The following TEX9 variants were observed in gnomAD, a reference collection of about 807,000 sequenced individuals.
The protein encoded by TEX9 is testis expressed 9, also known as testis-expressed protein 9.
TEX9 carries 74 observed loss-of-function variants against 59.6 expected under a neutral mutation model. The ratio of observed to expected loss-of-function variants is 1.24; its 90% CI spans 1.03 to 1.51. The LOEUF is 1.51. Among genes scored for constraint, TEX9 ranks in the 40% most tolerant of loss-of-function variants. The pLI is 0.00. For synonymous variants in TEX9, 186 were observed against 152.2 expected, an observed-to-expected ratio of 1.22 and a Z score of -1.64; for missense variants, 522 against 447.8, an observed-to-expected ratio of 1.17 and a Z score of -1.49.
chr15:56,330,418 T>G (rs1256578732), intron 1 of TEX9, among the ~76,000 whole-genome samples: 8 of 152,106 alleles, frequency 5.3e-5, no homozygotes, highest in Non-Finnish European at 1.2e-4. Flanking sequence ...ACTACTCTTA[T>G]CCTAAGTAGA....
At chr15:56,448,400 T>C (rs1294015293), downstream of TEX9, among the ~76,000 whole-genome samples, 2 of 152,168 alleles carry the variant, frequency 1.3e-5, no homozygotes, top group African/African-American at 2.4e-5. Flanking sequence ...TCCTCCACCC[T>C]CTCATAGTTC....
chr15:56,298,454 A>G (rs904688139), intron 1 of TEX9, among the ~76,000 whole-genome samples: 2 of 152,234 alleles, frequency 1.3e-5, no homozygotes, highest in Admixed American at 1.3e-4. Context: ...TGTAGGAAGT[A>G]TAGACTTGTA....
chr15:56,255,796 AAC>A (rs1287768961), intron 1 of TEX9, among the ~76,000 whole-genome samples: 1 of 152,078 alleles, frequency 6.6e-6, no homozygotes, highest in African/African-American at 2.4e-5. Context: ...AGAAGACTTT[AAC>A]ACACATCTCA....
intron 1 of TEX9, among the ~76,000 whole-genome samples, chr15:56,338,879 T>A (rs2046309875): frequency 6.6e-6 from 1 of 151,876 alleles, no homozygotes; most frequent in African/African-American, 2.4e-5. Context: ...GATCACACCA[T>A]TGGTCTCCAG....
At chr15:56,424,876 T>C (rs774095551) in intron 10 of TEX9, among the ~76,000 whole-genome samples, 1 of 152,206 alleles carries the variant, frequency 6.6e-6, no homozygotes, top group Admixed American at 6.6e-5. Flanking sequence ...CTTTGAATTA[T>C]TGTCTAGTAT....
chr15:56,428,572 G>T (rs2050442141), intron 12 of TEX9: 4 of 629,592 alleles, frequency 6.4e-6, no homozygotes, highest in Non-Finnish European at 1.0e-5. Flanking sequence ...TAATTTCAAA[G>T]AATTCCCTTT....
intron 9 of TEX9, among the ~76,000 whole-genome samples, chr15:56,400,415 T>C (rs1459612882): frequency 6.6e-6 from 1 of 152,002 alleles, no homozygotes; most frequent in Admixed American, 6.6e-5. Flanking sequence ...TGAAATAAAG[T>C]GAGAAGACAA....
intron 12 of TEX9, chr15:56,444,611 C>G: frequency 6.2e-7 from 1 of 1,613,128 alleles, no homozygotes. Context: ...CTGCAGCATT[C>G]TCTTCCTTTA....
intron 9 of TEX9, among the ~76,000 whole-genome samples, chr15:56,398,682 T>A (rs1323613161): frequency 6.6e-6 from 1 of 152,274 alleles, no homozygotes; most frequent in Non-Finnish European, 1.5e-5. Flanking sequence ...ATTTTCCATT[T>A]CTTATCCATT....
chr15:56,427,710 AAATT>A lies in TEX9; in HGVS notation c.1074_1077del (p.Ile359MetfsTer3), dbSNP rs766952981. 4.7e-6 allele frequency: 7 copies of A among 1,499,388 alleles called. No homozygotes were observed. The highest frequency in any genetic ancestry group is 2.5e-5 in the East Asian group (1 of 39,672). 92.9% of individuals were successfully genotyped at this position (1,499,388 alleles called of 1,614,324 possible). On this transcript the variant is annotated frameshift_variant, in exon 11 of 13. Transcript: ENST00000352903. LOFTEE classifies it high-confidence loss of function. The stretch of plus-strand genomic sequence containing the variant: ...AATGATAGGGTTCAAGAAACAGTTA[AAATT>A]AATTGATGTTTTAAAAAGGCAAAAG...
At chr15:56,273,385 C>T (rs993916324) in intron 1 of TEX9, among the ~76,000 whole-genome samples, 1 of 152,138 alleles carries the variant, frequency 6.6e-6, no homozygotes, top group African/African-American at 2.4e-5. Context: ...CATTATGTCA[C>T]TCACATGTAA....
At chr15:56,441,437 C>T (rs2050812695) in intron 12 of TEX9, among the ~76,000 whole-genome samples, 1 of 152,020 alleles carries the variant, frequency 6.6e-6, no homozygotes, top group African/African-American at 2.4e-5. Context: ...GCGGTTCTGA[C>T]TACCTAGTCT....
At chr15:56,429,352 A>C in intron 12 of TEX9, 3 of 561,738 alleles carry the variant, frequency 5.3e-6, no homozygotes, top group South Asian at 2.4e-5. Flanking sequence ...CTTTTCAAAA[A>C]ATAAGACTTT....
chr15:56,369,509 A>AT (rs1205370781), intron 2 of TEX9, among the ~76,000 whole-genome samples: 1 of 151,762 alleles, frequency 6.6e-6, no homozygotes, highest in Non-Finnish European at 1.5e-5. Flanking sequence ...TTTGTATTAT[A>AT]TTTTTTGTAG....
chr15:56,411,995 A>C lies in TEX9; in HGVS notation c.829-307A>C, dbSNP rs550371065. On this transcript the variant is annotated intron_variant, in intron 9 of 12. Transcript: ENST00000352903. ...ATACAGTTATAATGAGTTGTTTATA[A>C]AATAGAGGACAGGTATACTGTGTCT... Among the ~76,000 whole-genome samples the C allele has an allele frequency of 2.1e-3, 325 of 152,274 alleles. 2 individuals carry two copies. The highest frequency in any genetic ancestry group is 6.7e-3 in the African/African-American group (279 of 41,558).
At chr15:56,331,495 G>T (rs1247421180) in intron 1 of TEX9, among the ~76,000 whole-genome samples, 1 of 152,064 alleles carries the variant, frequency 6.6e-6, no homozygotes, top group Non-Finnish European at 1.5e-5. Flanking sequence ...TCAATAAGAG[G>T]AAGAATTTTG....
chr15:56,272,170 G>A (rs1028433467), intron 1 of TEX9, among the ~76,000 whole-genome samples: 52 of 151,692 alleles, frequency 3.4e-4, no homozygotes, highest in African/African-American at 1.2e-3. Context: ...ACAATTTAGT[G>A]GTTTTTAGAC....
intron 1 of TEX9, among the ~76,000 whole-genome samples, chr15:56,266,138 T>G (rs1043675696): frequency 2.0e-5 from 3 of 152,024 alleles, no homozygotes; most frequent in Non-Finnish European, 2.9e-5. Context: ...TTCTCTCTTT[T>G]TTTTTTGAGA....
At chr15:56,451,687 G>A in the TEX9 span, among the ~76,000 whole-genome samples, 1 of 151,936 alleles carries the variant, frequency 6.6e-6, no homozygotes, top group South Asian at 2.1e-4. Context: ...TTACAATGGT[G>A]AGAAAACCAT....
Sources: allele counts gnomAD v4.1 joint callset (sites outside exome capture counted in the v4.1 genomes callset), GRCh38; gene constraint gnomAD v4.1.1; transcripts MANE v1.5; gene names NCBI Gene and HGNC (gene_info 2026-07-23, HGNC 2026-07-21).